Variants in DACH2 observed in about 807,000 individuals in gnomAD.
The protein encoded by DACH2 is dachshund family transcription factor 2.
Under a neutral mutation model 35.8 loss-of-function variants are expected in DACH2, and 17 were observed. The observed-to-expected ratio is 0.48, with a 90% CI of 0.33 to 0.71. The LOEUF is 0.71. DACH2 is among the 30% of genes least tolerant of loss of function. The pLI is 0.02. For missense variants in DACH2, 469 were observed against 472.7 expected (o/e 0.99, Z 0.07); for synonymous variants, 195 against 177.3 (o/e 1.10, Z -0.79).
chrX:86,794,850 A>G (rs1022507163), intron 7 of DACH2, among the ~76,000 whole-genome samples: 1 of 111,680 alleles, frequency 9.0e-6, no homozygotes, highest in African/African-American at 3.3e-5. Flanking sequence ...TGTCAGAGAC[A>G]GTGGTAGGTA....
At chrX:86,622,746 A>T (rs1050131191) in intron 3 of DACH2, among the ~76,000 whole-genome samples, 1 of 112,021 alleles carries the variant, frequency 8.9e-6, no homozygotes, top group Non-Finnish European at 1.9e-5. Flanking sequence ...TATTTTGCTT[A>T]AAAACTTTGT....
intron 3 of DACH2, among the ~76,000 whole-genome samples, chrX:86,611,658 A>G (rs2039946194): frequency 9.0e-6 from 1 of 111,131 alleles, no homozygotes; most frequent in Non-Finnish European, 1.9e-5. Flanking sequence ...GGCAGGCATC[A>G]GTTGCATTCA....
chrX:86,296,862 A>T (rs186708688), intron 1 of DACH2, among the ~76,000 whole-genome samples: 3 of 110,182 alleles, frequency 2.7e-5, no homozygotes, highest in African/African-American at 9.9e-5. Flanking sequence ...AAAACATAAA[A>T]TAATACACAT....
intron 2 of DACH2, among the ~76,000 whole-genome samples, chrX:86,514,072 G>A (rs2038432373): frequency 1.8e-5 from 2 of 111,652 alleles, no homozygotes; most frequent in Non-Finnish European, 3.8e-5. Flanking sequence ...GATCCCTTAT[G>A]GCGCTAATGT....
intron 3 of DACH2, among the ~76,000 whole-genome samples, chrX:86,640,391 C>T (rs1431731712): frequency 1.8e-5 from 2 of 111,652 alleles, no homozygotes; most frequent in African/African-American, 6.5e-5. Context: ...GTCAGTCTCC[C>T]CCATGCCCCA....
intron 6 of DACH2, among the ~76,000 whole-genome samples, chrX:86,735,138 A>G (rs945225920): frequency 8.9e-6 from 1 of 112,013 alleles, no homozygotes; most frequent in Non-Finnish European, 1.9e-5. Flanking sequence ...CAACGTTGAG[A>G]CAGTTGTTTT....
intron 3 of DACH2, among the ~76,000 whole-genome samples, chrX:86,611,335 G>A (rs1375682106): frequency 9.1e-6 from 1 of 109,706 alleles, no homozygotes; most frequent in Non-Finnish European, 1.9e-5. Context: ...TCAAGCAGGA[G>A]CAAGGGATCT....
At chrX:86,370,834 T>C (rs753610197) in intron 1 of DACH2, among the ~76,000 whole-genome samples, 2 of 111,451 alleles carry the variant, frequency 1.8e-5, no homozygotes, top group Non-Finnish European at 3.8e-5. Context: ...TATTAGTTGG[T>C]ATACATCCAT....
At chrX:86,204,068 C>A (rs961242719) in intron 1 of DACH2, among the ~76,000 whole-genome samples, 2 of 111,492 alleles carry the variant, frequency 1.8e-5, no homozygotes, top group Non-Finnish European at 3.8e-5. Flanking sequence ...AGAAGTGGAG[C>A]AAATTTAAGT....
At chrX:86,412,736 C>T (rs1302948033) in intron 2 of DACH2, among the ~76,000 whole-genome samples, 1 of 111,323 alleles carries the variant, frequency 9.0e-6, no homozygotes, top group African/African-American at 3.3e-5. Flanking sequence ...TTTATGGGGG[C>T]CTGCCAAAGG....
At chrX:86,723,105 C>T (rs1481496349) in intron 6 of DACH2, among the ~76,000 whole-genome samples, 1 of 111,815 alleles carries the variant, frequency 8.9e-6, no homozygotes, top group African/African-American at 3.2e-5. Flanking sequence ...TTCAAGTATG[C>T]AAGCTTTTAC....
chrX:86,333,662 G>A (rs1250484464), intron 1 of DACH2, among the ~76,000 whole-genome samples: 3 of 111,857 alleles, frequency 2.7e-5, no homozygotes, highest in Non-Finnish European at 5.6e-5. Flanking sequence ...ATATTTGAGG[G>A]AAAGTAATGA....
At chrX:86,420,038 G>A (rs1463383945) in intron 2 of DACH2, among the ~76,000 whole-genome samples, 1 of 111,997 alleles carries the variant, frequency 8.9e-6, no homozygotes, top group East Asian at 2.8e-4. Flanking sequence ...GATGAGAACT[G>A]ACACAAACCA....
In DACH2 at chrX:86,634,817, G is replaced by A. The variant is rs1403444519; in HGVS notation, c.641-16219G>A. On this transcript the variant is annotated intron_variant, in intron 3 of 11. Coordinates refer to ENST00000373125, the MANE Select transcript of DACH2 (RefSeq NM_053281.3). ...AAAAACAAATGAAAATATATACCAT[G>A]CTCATGAATTAGAAGAATTAATGTA... 2.7e-5 allele frequency among the ~76,000 whole-genome samples: 3 copies of A among 111,997 alleles called. No homozygotes were observed. In the East Asian group the frequency reaches 8.4e-4, roughly 31 times the overall value.
At position 86,387,441 on chromosome X, in the gene DACH2, G is replaced by T. The variant is rs188057917; in HGVS notation, c.527+10579G>T. The stretch of plus-strand genomic sequence containing the variant: ...GGAAATGCCATACGAGTGGTAAAAG[G>T]CTGGAATTTGTCTTTGGAAATCTTG... On this transcript the variant is annotated intron_variant, in intron 2 of 11. Coordinates refer to ENST00000373125, the MANE Select transcript of DACH2 (RefSeq NM_053281.3). Among the ~76,000 whole-genome samples the T allele has an allele frequency of 2.3e-4, 26 of 111,468 alleles. No homozygotes were observed. In the East Asian group the frequency reaches 7.4e-3, roughly 32 times the overall value.
rs1323725098 is a variant in DACH2, at chrX:86,291,109, G to T, written c.489-85715G>T. On this transcript the variant is annotated intron_variant, in intron 1 of 11. Coordinates refer to ENST00000373125, the MANE Select transcript of DACH2 (RefSeq NM_053281.3). Reference sequence around the variant, plus strand: ...TCCTCTTTTATTTCCTTGAGCAGTGGTTTGTAGTTCTCCTTGAAGAGGTCC... The same window carrying T: ...TCCTCTTTTATTTCCTTGAGCAGTGTTTTGTAGTTCTCCTTGAAGAGGTCC... 1.1e-4 allele frequency among the ~76,000 whole-genome samples: 11 copies of T among 103,967 alleles called. No homozygotes were observed. The East Asian group carries it at 3.4e-3, about 32-fold the overall frequency. 90.3% of individuals were successfully genotyped at this position (103,967 alleles called of 115,157 possible).
At chrX:86,187,285 T>A (rs1488985743) in intron 1 of DACH2, among the ~76,000 whole-genome samples, 1 of 111,363 alleles carries the variant, frequency 9.0e-6, no homozygotes, top group Admixed American at 9.6e-5. Context: ...ACTATTAGAG[T>A]GCACAGAGAA....
chrX:86,571,694 G>A (rs757837685), intron 3 of DACH2, among the ~76,000 whole-genome samples: 23 of 77,530 alleles, frequency 3.0e-4, no homozygotes, highest in Non-Finnish European at 4.5e-4. Flanking sequence ...TCTTGAAATC[G>A]GGTAACGCAA....
intron 2 of DACH2, among the ~76,000 whole-genome samples, chrX:86,401,052 G>A (rs1220754502): frequency 1.8e-5 from 2 of 112,320 alleles, no homozygotes. Flanking sequence ...TGGCCACTTT[G>A]TTTACCTACT....
Sources: allele counts gnomAD v4.1 joint callset (sites outside exome capture counted in the v4.1 genomes callset), GRCh38; gene constraint gnomAD v4.1.1; transcripts MANE v1.5; gene names NCBI Gene and HGNC (gene_info 2026-07-23, HGNC 2026-07-21).